Variants in DNM2 observed in about 807,000 individuals in gnomAD.
DNM2 encodes dynamin 2, also known as dynamin-2.
Under a neutral mutation model 99.0 loss-of-function variants are expected in DNM2, and 15 were observed. The ratio of observed to expected loss-of-function variants is 0.15; its 90% CI spans 0.10 to 0.23. The LOEUF (loss-of-function observed/expected upper bound fraction) is 0.23, where lower values mean the gene tolerates loss of function less well. Among genes scored for constraint, DNM2 ranks in the 10% least tolerant of loss-of-function variants. The probability of loss-of-function intolerance (pLI) is 1.00; values close to 1 mark genes in which losing one functional copy is unlikely to be tolerated. For synonymous variants in DNM2, 525 were observed against 481.2 expected, an observed-to-expected ratio of 1.09 and a Z score of -1.19; for missense variants, 742 against 1,189.4, an observed-to-expected ratio of 0.62 and a Z score of 5.53.
rs1253339521 is a variant in DNM2, at chr19:10,818,020, CG to C, written c.1672-1955del. Among the ~76,000 whole-genome samples the C allele has an allele frequency of 2.0e-5, 3 of 152,076 alleles. No homozygotes were observed. The highest frequency in any genetic ancestry group is 2.9e-5 in the Non-Finnish European group (2 of 67,990). On this transcript the variant is annotated intron_variant, in intron 15 of 20. Transcript: ENST00000389253. This position sits in a 1 kb window ranked among gnomAD's most constrained non-coding sequence, Gnocchi z 4.3. ...AAGGCCCTTGGGCAAACGTCCGAGC[CG>C]GGGGCAGGGCTTCTGCAGAGCCCCC...
intron 15 of DNM2, among the ~76,000 whole-genome samples, chr19:10,819,406 AC>A (rs1263243525): frequency 6.6e-6 from 1 of 152,148 alleles, no homozygotes; most frequent in East Asian, 1.9e-4. Flanking sequence ...AAATGGCATC[AC>A]AGAGGTAACT....
chr19:10,815,652 C>G (rs1396395586), intron 15 of DNM2, among the ~76,000 whole-genome samples: 2 of 152,194 alleles, frequency 1.3e-5, no homozygotes. Flanking sequence ...GGTGCAGGGC[C>G]AGCTGGCCAG....
intron 2 of DNM2, among the ~76,000 whole-genome samples, chr19:10,762,476 CTG>C (rs1441879182): frequency 1.3e-5 from 2 of 152,158 alleles, no homozygotes; most frequent in African/African-American, 4.8e-5. Context: ...GGGACCACCA[CTG>C]TGTTTCCTGT....
rs1045080169 is a variant in DNM2, at chr19:10,818,956, G to C, written c.1672-1024G>C. Among the ~76,000 whole-genome samples, 5 of 152,142 alleles carry C rather than the reference G, an allele frequency of 3.3e-5. No homozygotes were observed. The highest frequency in any genetic ancestry group is 7.4e-5 in the Non-Finnish European group (5 of 68,012). ...ATGGGTCCCCAAGAGCTGCTGCTGT[G>C]GCGGGTGGGCACACACATCACTGGG... On this transcript the variant is annotated intron_variant, in intron 15 of 20. Transcript: ENST00000389253. The surrounding 1 kb of genome is among the most constrained non-coding windows in gnomAD (Gnocchi z 4.3).
chr19:10,731,681 T>C (rs2069325996), intron 1 of DNM2, among the ~76,000 whole-genome samples: 1 of 152,100 alleles, frequency 6.6e-6, no homozygotes, highest in African/African-American at 2.4e-5. Context: ...TACATCAACA[T>C]CAGGGGACAG....
At chr19:10,723,760 T>G (rs2069019609) in intron 1 of DNM2, among the ~76,000 whole-genome samples, 1 of 152,208 alleles carries the variant, frequency 6.6e-6, no homozygotes, top group Non-Finnish European at 1.5e-5. Flanking sequence ...TTACCAGAAC[T>G]TCTGCTCTGG....
intron 1 of DNM2, among the ~76,000 whole-genome samples, chr19:10,759,114 G>GT (rs1033552533): frequency 3.9e-5 from 6 of 152,088 alleles, no homozygotes; most frequent in African/African-American, 1.4e-4. Flanking sequence ...GCTAATTTTA[G>GT]TTTAGTTTAG....
At chr19:10,800,562 C>T (rs930220741) in intron 11 of DNM2, among the ~76,000 whole-genome samples, 45 of 152,356 alleles carry the variant, frequency 3.0e-4, no homozygotes, top group Middle Eastern at 3.4e-3. Flanking sequence ...CAGCCACGCT[C>T]GCTCCCACAG....
At chr19:10,757,908 ACT>A (rs2070451338) in intron 1 of DNM2, among the ~76,000 whole-genome samples, 1 of 143,966 alleles carries the variant, frequency 6.9e-6, no homozygotes, top group Non-Finnish European at 1.5e-5. Context: ...GAGCCACTGC[ACT>A]CCAGCCTGGG....
chr19:10,733,029 A>G (rs1162348529), intron 1 of DNM2, among the ~76,000 whole-genome samples: 5 of 151,526 alleles, frequency 3.3e-5, no homozygotes, highest in Admixed American at 2.0e-4. Context: ...GATTACAGAC[A>G]CCTGTCACCA....
chr19:10,777,572 G>A (rs1289857770), intron 5 of DNM2, among the ~76,000 whole-genome samples: 2 of 152,020 alleles, frequency 1.3e-5, no homozygotes, highest in Admixed American at 6.6e-5. Flanking sequence ...TTTCTATTAT[G>A]AGCCTTCCCT....
chr19:10,829,991 T>G, intron 19 of DNM2, 136 bp from the exon 20 acceptor site: 2 of 1,320,502 alleles, frequency 1.5e-6, no homozygotes, highest in South Asian at 2.4e-5. Flanking sequence ...GGCGCTCAGG[T>G]TGGGGTGGGA....
chr19:10,732,767 A>G (rs554794049), intron 1 of DNM2, among the ~76,000 whole-genome samples: 4 of 152,072 alleles, frequency 2.6e-5, no homozygotes, highest in East Asian at 1.9e-4. Flanking sequence ...CAGTGAGCCT[A>G]TAAGTCTAGT....
At chr19:10,767,222 A>C (rs920900791) in intron 2 of DNM2, among the ~76,000 whole-genome samples, 1 of 151,806 alleles carries the variant, frequency 6.6e-6, no homozygotes, top group African/African-American at 2.4e-5. Context: ...GATTGTTAAA[A>C]AAAAAAAAAA....
intron 18 of DNM2, among the ~76,000 whole-genome samples, chr19:10,827,065 C>T (rs1288115209): frequency 6.6e-6 from 1 of 152,004 alleles, no homozygotes; most frequent in African/African-American, 2.4e-5. Flanking sequence ...GCCTGGACAA[C>T]ATAGTGAGAC....
At chr19:10,759,041 A>T (rs923089820) in intron 1 of DNM2, among the ~76,000 whole-genome samples, 4 of 151,964 alleles carry the variant, frequency 2.6e-5, no homozygotes, top group African/African-American at 9.7e-5. Context: ...TCCCGGGCTC[A>T]TGCCATCCTC....
chr19:10,816,411 G>A lies in DNM2; in HGVS notation c.1672-3569G>A, dbSNP rs1252005668. ...TGAGCCACCATACAAGCATTTCTGG[G>A]GTCCCTGTGGAAGCTTCCAGAACCT... On this transcript the variant is annotated intron_variant, in intron 15 of 20. Coordinates refer to ENST00000389253, the MANE Select transcript of DNM2 (RefSeq NM_001005361.3). The surrounding 1 kb of genome is among the most constrained non-coding windows in gnomAD (Gnocchi z 4.6). 1.3e-5 allele frequency among the ~76,000 whole-genome samples: 2 copies of A among 152,032 alleles called. No individual in the cohort carries two copies. Among genetic ancestry groups the A allele is most frequent in the Admixed American group, 6.6e-5 (1 of 15,258 alleles).
In DNM2 at chr19:10,830,429, C is replaced by A; in HGVS notation, c.2543+51C>A. ...CCCAACTGCCTGCACCCTGGGGTCTCTCCTCCTGTCTCACTTCCTCCCAGT... is the reference window on the plus strand; with the variant it reads ...CCCAACTGCCTGCACCCTGGGGTCTATCCTCCTGTCTCACTTCCTCCCAGT... On this transcript the variant is annotated intron_variant, in intron 20 of 20. Coordinates refer to ENST00000389253, the MANE Select transcript of DNM2 (RefSeq NM_001005361.3). The surrounding 1 kb of genome is among the most constrained non-coding windows in gnomAD (Gnocchi z 4.8). The A allele has an allele frequency of 6.3e-7, 1 of 1,581,448 alleles. No homozygotes were observed. Among genetic ancestry groups the A allele is most frequent in the South Asian group, 1.1e-5 (1 of 90,112 alleles).
In DNM2 at chr19:10,830,518, G is replaced by A. The variant is rs190422103; in HGVS notation, c.2543+140G>A. The A allele has an allele frequency of 2.7e-5, 28 of 1,051,912 alleles. No homozygotes were observed. The highest frequency in any genetic ancestry group is 1.5e-4 in the Admixed American group (6 of 41,348). The allele number at this position is 1,051,912 out of a possible 1,614,324, so 65.2% of individuals were successfully genotyped here. A position where few individuals can be genotyped will look rare whatever the true frequency, so the allele number is the denominator to read the frequency against. On this transcript the variant is annotated intron_variant, in intron 20 of 20. Coordinates refer to ENST00000389253, the MANE Select transcript of DNM2 (RefSeq NM_001005361.3). The surrounding 1 kb of genome is among the most constrained non-coding windows in gnomAD (Gnocchi z 4.8). ...TCGTCCTCATCCCTATTTGGCTTGC[G>A]AGGAAACAGGCCCAGAGAGGCCAAG...
Sources: gnomAD v4.1 joint callset for allele counts (sites outside exome capture counted in the v4.1 genomes callset) on GRCh38, gnomAD v4.1.1 for gene constraint, Gnocchi (gnomAD v3.1) non-coding constraint, MANE v1.5 for transcripts, NCBI Gene and HGNC (gene_info 2026-07-23, HGNC 2026-07-21) for gene names.